CDH12: variants seen among roughly 807,000 people sequenced by gnomAD.
CDH12 encodes the protein cadherin 12.
A neutral mutation model predicts 74.1 loss-of-function variants in CDH12; 41 were observed. The ratio of observed to expected loss-of-function variants is 0.55; its 90% CI spans 0.43 to 0.72. CDH12 has a LOEUF of 0.72. Among genes scored for constraint, CDH12 ranks in the 30% least tolerant of loss-of-function variants. CDH12 has a pLI of 0.00. For synonymous variants in CDH12, 399 were observed against 355.0 expected (o/e 1.12, Z -1.39); for missense variants, 945 against 977.2 (o/e 0.97, Z 0.44).
chr5:22,417,476 C>T (rs1481257599), intron 2 of CDH12, among the ~76,000 whole-genome samples: 4 of 152,154 alleles, frequency 2.6e-5, no homozygotes, highest in Non-Finnish European at 5.9e-5. Context: ...CACATTTCCG[C>T]CTTTCACTAT....
At chr5:22,711,224 C>T (rs1295013145) in intron 1 of CDH12, among the ~76,000 whole-genome samples, 1 of 151,724 alleles carries the variant, frequency 6.6e-6, no homozygotes, top group East Asian at 1.9e-4. Context: ...TACAACAGGT[C>T]GAAGTAAAGT....
At chr5:21,873,747 C>A (rs1751771903) in intron 6 of CDH12, among the ~76,000 whole-genome samples, 1 of 152,108 alleles carries the variant, frequency 6.6e-6, no homozygotes, top group African/African-American at 2.4e-5. Flanking sequence ...AGGTATTTAG[C>A]CCAACATGCA....
At chr5:21,863,542 A>C (rs889350625) in intron 6 of CDH12, among the ~76,000 whole-genome samples, 4 of 152,186 alleles carry the variant, frequency 2.6e-5, no homozygotes, top group African/African-American at 9.7e-5. Context: ...TATTGATTAG[A>C]TATGTATAGT....
At chr5:22,379,526 A>C (rs1318563681) in intron 3 of CDH12, among the ~76,000 whole-genome samples, 1 of 152,176 alleles carries the variant, frequency 6.6e-6, no homozygotes, top group East Asian at 1.9e-4. Flanking sequence ...GATATCTGTG[A>C]AATAAGAGAA....
chr5:22,525,463 G>A (rs1737225227), intron 1 of CDH12, among the ~76,000 whole-genome samples: 1 of 150,878 alleles, frequency 6.6e-6, no homozygotes, highest in African/African-American at 2.4e-5. Flanking sequence ...TATGCTTTCT[G>A]GAGAGAGAGA....
intron 1 of CDH12, among the ~76,000 whole-genome samples, chr5:22,845,025 G>A (rs1408653575): frequency 6.6e-6 from 1 of 152,070 alleles, no homozygotes; most frequent in African/African-American, 2.4e-5. Context: ...CCCCTTTTCA[G>A]TATGCTCCGG....
chr5:21,891,572 TAC>T (rs66657734), intron 6 of CDH12, among the ~76,000 whole-genome samples: 6,486 of 145,020 alleles, frequency 0.045, 401 homozygotes, highest in African/African-American at 0.14. Flanking sequence ...CACACACACA[TAC>T]ACACACACAC....
chr5:22,383,466 A>G (rs1741854938), intron 3 of CDH12, among the ~76,000 whole-genome samples: 1 of 152,168 alleles, frequency 6.6e-6, no homozygotes, highest in Non-Finnish European at 1.5e-5. Flanking sequence ...GTCATTTTTG[A>G]GAGAACATAA....
chr5:22,784,340 C>A (rs2126358967), intron 1 of CDH12, among the ~76,000 whole-genome samples: 1 of 152,212 alleles, frequency 6.6e-6, no homozygotes, highest in South Asian at 2.1e-4. Flanking sequence ...CCTGACTCCA[C>A]AACTTGAATT....
intron 6 of CDH12, among the ~76,000 whole-genome samples, chr5:21,972,538 T>A (rs1457719242): frequency 1.3e-5 from 2 of 152,136 alleles, no homozygotes; most frequent in Non-Finnish European, 2.9e-5. Flanking sequence ...GTGAACTATT[T>A]CCACCTGGTA....
intron 1 of CDH12, among the ~76,000 whole-genome samples, chr5:22,583,231 A>G (rs970757687): frequency 1.3e-5 from 2 of 152,216 alleles, no homozygotes; most frequent in Admixed American, 6.5e-5. Context: ...TGTGTTGACC[A>G]GTCACATCAG....
intron 1 of CDH12, among the ~76,000 whole-genome samples, chr5:22,704,642 C>G (rs2126964618): frequency 6.6e-6 from 1 of 152,066 alleles, no homozygotes; most frequent in Admixed American, 6.6e-5. Context: ...TCTAGAACTA[C>G]CTAAACTGAC....
intron 2 of CDH12, among the ~76,000 whole-genome samples, chr5:22,413,032 A>T (rs1003128166): frequency 6.6e-6 from 1 of 152,002 alleles, no homozygotes; most frequent in South Asian, 2.1e-4. Context: ...TTCATTCACA[A>T]TAACTCTTGT....
intron 6 of CDH12, among the ~76,000 whole-genome samples, chr5:21,955,344 A>G (rs1198892535): frequency 6.6e-6 from 1 of 151,848 alleles, no homozygotes; most frequent in Admixed American, 6.6e-5. Context: ...AAGGCAAATT[A>G]CTCAATATAT....
At chr5:22,226,371 T>C (rs555505641) in intron 3 of CDH12, among the ~76,000 whole-genome samples, 2 of 152,014 alleles carry the variant, frequency 1.3e-5, no homozygotes, top group African/African-American at 2.4e-5. Flanking sequence ...TTTTCTCTAG[T>C]TGGGGGCAGA....
At chr5:22,522,389 A>T (rs1737091073) in intron 1 of CDH12, among the ~76,000 whole-genome samples, 1 of 152,194 alleles carries the variant, frequency 6.6e-6, no homozygotes, top group Non-Finnish European at 1.5e-5. Flanking sequence ...CTAACAGACT[A>T]CTCAACTGTG....
intron 1 of CDH12, among the ~76,000 whole-genome samples, chr5:22,840,499 ATATATAT>A (rs1018824322): frequency 6.7e-6 from 1 of 150,218 alleles, no homozygotes; most frequent in African/African-American, 2.4e-5. Context: ...ACAGTGATTT[ATATATAT>A]TATATATTTA....
intron 6 of CDH12, among the ~76,000 whole-genome samples, chr5:21,912,925 C>G (rs545814113): frequency 9.2e-5 from 14 of 152,298 alleles, no homozygotes; most frequent in African/African-American, 3.4e-4. Context: ...TTATTGCAGC[C>G]TCCACCTCCT....
At chr5:22,753,079 C>A (rs2127038335) in intron 1 of CDH12, among the ~76,000 whole-genome samples, 1 of 152,104 alleles carries the variant, frequency 6.6e-6, no homozygotes, top group East Asian at 1.9e-4. Context: ...TGGCCAAGAG[C>A]AGACTGATGA....
Sources: allele counts gnomAD v4.1 joint callset (sites outside exome capture counted in the v4.1 genomes callset), GRCh38; gene constraint gnomAD v4.1.1; transcripts MANE v1.5; gene names NCBI Gene and HGNC (gene_info 2026-07-23, HGNC 2026-07-21).